The following LRBA variants were observed in gnomAD, a reference collection of about 807,000 sequenced individuals.
The protein encoded by LRBA is LPS responsive beige-like anchor protein.
In LRBA, 176 loss-of-function variants were observed where a neutral mutation model predicts 330.0. That is an observed-to-expected ratio of 0.53 (90% CI 0.47 to 0.60). The LOEUF (loss-of-function observed/expected upper bound fraction) is 0.60. Among genes scored for constraint, LRBA ranks in the 20% least tolerant of loss-of-function variants. LRBA has a pLI of 0.00. For synonymous variants in LRBA, 1,230 were observed against 1,193.0 expected (o/e 1.03, Z -0.64); for missense variants, 3,259 against 3,444.8 (o/e 0.95, Z 1.35).
chr4:150,861,426 C>T (rs1371650603), intron 22 of LRBA, among the ~76,000 whole-genome samples: 1 of 151,972 alleles, frequency 6.6e-6, no homozygotes, highest in African/African-American at 2.4e-5. Context: ...ATTCCCAGCC[C>T]TTATATTGTG....
At chr4:150,893,510 T>C (rs1048082215) in intron 16 of LRBA, among the ~76,000 whole-genome samples, 14 of 151,758 alleles carry the variant, frequency 9.2e-5, no homozygotes, top group Non-Finnish European at 2.1e-4. Context: ...CCACCACATC[T>C]GGCTAATTTT....
At position 150,398,055 on chromosome 4, in the gene LRBA, T is replaced by C. The variant is rs991188627; in HGVS notation, c.7194+17383A>G. On this transcript the variant is annotated intron_variant, in intron 47 of 56. Transcript: ENST00000651943. The stretch of plus-strand genomic sequence containing the variant: ...TACATATATATTTTAGTATCTTCTC[T>C]AGCACAGAAAAAAAGTAGAAAGAAG... Among the ~76,000 whole-genome samples the C allele has an allele frequency of 2.0e-5, 3 of 152,286 alleles. No homozygotes were observed. In the East Asian group the frequency reaches 5.8e-4, roughly 29 times the overall value.
chr4:150,446,647 C>A (rs1164768357), intron 44 of LRBA, among the ~76,000 whole-genome samples: 2 of 152,172 alleles, frequency 1.3e-5, no homozygotes, highest in Non-Finnish European at 2.9e-5. Context: ...CTAAAATAGT[C>A]CAGTCCCTGT....
chr4:150,857,081 A>C (rs1579011221), intron 22 of LRBA, among the ~76,000 whole-genome samples: 1 of 152,306 alleles, frequency 6.6e-6, no homozygotes, highest in East Asian at 1.9e-4. Flanking sequence ...GTTTTTAAGC[A>C]AAGGCATCTT....
intron 33 of LRBA, among the ~76,000 whole-genome samples, chr4:150,799,727 T>C (rs1741313933): frequency 6.6e-6 from 1 of 152,182 alleles, no homozygotes; most frequent in Non-Finnish European, 1.5e-5. Context: ...ACCACACTTA[T>C]CATATTTCAT....
intron 36 of LRBA, among the ~76,000 whole-genome samples, chr4:150,692,860 T>C (rs891659968): frequency 2.0e-5 from 3 of 152,182 alleles, no homozygotes; most frequent in African/African-American, 7.2e-5. Flanking sequence ...GTATATACTT[T>C]TGCAAGATAG....
In LRBA at chr4:150,618,854, A is replaced by G. The variant is rs771071754; in HGVS notation, c.5922-19723T>C. ...ATTATGTATATGTGTGTATGTATAT[A>G]TATATATATATATATATACACACAT... On this transcript the variant is annotated intron_variant, in intron 37 of 56. Coordinates refer to ENST00000651943, the MANE Select transcript of LRBA (RefSeq NM_001364905.1). Among the ~76,000 whole-genome samples, 1,076 of 132,026 alleles carry G rather than the reference A, an allele frequency of 8.1e-3. 15 individuals carry two copies. Among genetic ancestry groups the G allele is most frequent in the African/African-American group, 0.024 (882 of 37,370 alleles). 86.6% of individuals were successfully genotyped at this position (132,026 alleles called of 152,430 possible).
intron 33 of LRBA, among the ~76,000 whole-genome samples, chr4:150,799,143 C>A (rs1214926244): frequency 6.6e-6 from 1 of 152,126 alleles, no homozygotes; most frequent in Non-Finnish European, 1.5e-5. Context: ...TTATAAATAG[C>A]ATTCAAGTTA....
chr4:150,409,721 G>T (rs964091379), intron 47 of LRBA, among the ~76,000 whole-genome samples: 4 of 152,072 alleles, frequency 2.6e-5, no homozygotes, highest in African/African-American at 9.7e-5. Flanking sequence ...ATAAATAAAT[G>T]TGGGGAGAAT....
intron 40 of LRBA, among the ~76,000 whole-genome samples, chr4:150,534,494 T>C (rs892066061): frequency 6.6e-6 from 1 of 151,920 alleles, no homozygotes; most frequent in African/African-American, 2.4e-5. Context: ...AAGATACTTG[T>C]CATGTTAGGC....
intron 28 of LRBA, among the ~76,000 whole-genome samples, chr4:150,833,024 C>T (rs1048815645): frequency 6.6e-6 from 1 of 152,082 alleles, no homozygotes; most frequent in Non-Finnish European, 1.5e-5. Flanking sequence ...AATCCTCCTG[C>T]CTTAGCCTCC....
At chr4:150,302,057 G>A (rs539388323) in intron 53 of LRBA, among the ~76,000 whole-genome samples, 1 of 152,040 alleles carries the variant, frequency 6.6e-6, no homozygotes, top group Non-Finnish European at 1.5e-5. Context: ...AATTTTAAAT[G>A]GTTACACATT....
intron 17 of LRBA, among the ~76,000 whole-genome samples, chr4:150,880,504 A>T (rs1728244787): frequency 6.9e-6 from 1 of 145,788 alleles, no homozygotes; most frequent in Non-Finnish European, 1.5e-5. Flanking sequence ...TGGGAAACAG[A>T]GCAATACCCT....
chr4:150,868,438 A>C lies in LRBA; in HGVS notation c.2450-133T>G, dbSNP rs1560939049. The stretch of plus-strand genomic sequence containing the variant: ...CCAAAAACATCCTCTTCTGTTATTA[A>C]AAAAAATCACCTCTGGAAAGAAATG... On this transcript the variant is annotated intron_variant, in intron 20 of 56. Transcript: ENST00000651943. 4 of 475,652 alleles carry C rather than the reference A, an allele frequency of 8.4e-6. No homozygotes were observed. In the East Asian group the frequency reaches 1.3e-4, roughly 16 times the overall value. The allele number at this position is 475,652 out of a possible 1,614,324, so 29.5% of individuals were successfully genotyped here.
At chr4:150,334,967 T>A (rs1489181048) in intron 48 of LRBA, among the ~76,000 whole-genome samples, 1 of 151,698 alleles carries the variant, frequency 6.6e-6, no homozygotes, top group Non-Finnish European at 1.5e-5. Flanking sequence ...GTAGCTGGAA[T>A]TACAGGTATG....
rs966808148 is a variant in LRBA, at chr4:150,947,593, C to A, written c.217-18528G>T. ...AACATTATACTCAATGATAAAAGAC[C>A]GAGTATTTTCTCTCCTAAAGATCAG... On this transcript the variant is annotated intron_variant, in intron 2 of 56. Coordinates refer to ENST00000651943, the MANE Select transcript of LRBA (RefSeq NM_001364905.1). Among the ~76,000 whole-genome samples, 3 of 151,890 alleles carry A rather than the reference C, an allele frequency of 2.0e-5. No individual in the cohort carries two copies. In the South Asian group the frequency reaches 6.2e-4, roughly 31 times the overall value.
At position 150,395,910 on chromosome 4, in the gene LRBA, C is replaced by A. The variant is rs1326264877; in HGVS notation, c.7194+19528G>T. ...TTTCAGTACAATCTACAGTATTCTA[C>A]TGGTAATTGATTCTCTAGAATTGAA... On this transcript the variant is annotated intron_variant, in intron 47 of 56. Coordinates refer to ENST00000651943, the MANE Select transcript of LRBA (RefSeq NM_001364905.1). Among the ~76,000 whole-genome samples the A allele has an allele frequency of 2.0e-5, 3 of 152,086 alleles. No homozygotes were observed. In the East Asian group the frequency reaches 5.8e-4, roughly 29 times the overall value.
At chr4:150,926,713 T>C (rs1005512879) in intron 4 of LRBA, among the ~76,000 whole-genome samples, 1 of 152,160 alleles carries the variant, frequency 6.6e-6, no homozygotes, top group South Asian at 2.1e-4. Context: ...ATGCTAAATA[T>C]TGTCAAGGAT....
At chr4:150,962,197 A>C (rs1738222873) in intron 2 of LRBA, among the ~76,000 whole-genome samples, 1 of 149,518 alleles carries the variant, frequency 6.7e-6, no homozygotes, top group Non-Finnish European at 1.5e-5. Flanking sequence ...TTTGTAGAAA[A>C]AATAAATTGG....
Sources: allele counts gnomAD v4.1 joint callset (sites outside exome capture counted in the v4.1 genomes callset), GRCh38; gene constraint gnomAD v4.1.1; transcripts MANE v1.5; gene names NCBI Gene and HGNC (gene_info 2026-07-23, HGNC 2026-07-21).